The following RORA variants were observed in gnomAD, a reference collection of about 807,000 sequenced individuals.
RORA encodes the protein RAR related orphan receptor A, also known as nuclear receptor ROR-alpha.
Under a neutral mutation model 69.5 loss-of-function variants are expected in RORA, and 7 were observed. That is an observed-to-expected ratio of 0.10 (90% CI 0.06 to 0.19). The LOEUF (loss-of-function observed/expected upper bound fraction) is 0.19. RORA is among the 10% of genes least tolerant of loss of function. The pLI, the probability that RORA is intolerant of heterozygous loss-of-function variation, is 1.00. For missense variants in RORA, 457 were observed against 663.0 expected, an observed-to-expected ratio of 0.69 and a Z score of 3.41; for synonymous variants, 261 against 240.8, an observed-to-expected ratio of 1.08 and a Z score of -0.78.
chr15:61,216,480 A>T (rs1359882952), intron 1 of RORA, among the ~76,000 whole-genome samples: 1 of 119,860 alleles, frequency 8.3e-6, no homozygotes, highest in Non-Finnish European at 1.7e-5. Flanking sequence ...CCTTGCAGAC[A>T]AGCTTCTCCG....
intron 2 of RORA, among the ~76,000 whole-genome samples, chr15:60,560,197 C>A (rs2140418870): frequency 6.6e-6 from 1 of 152,212 alleles, no homozygotes; most frequent in South Asian, 2.1e-4. Context: ...AAAATTCTCA[C>A]ATAGCCACAA....
chr15:60,666,515 A>C (rs2070384564), intron 2 of RORA, among the ~76,000 whole-genome samples: 2 of 151,950 alleles, frequency 1.3e-5, no homozygotes, highest in African/African-American at 4.8e-5. Context: ...AGTAGGACAA[A>C]GCTACATAAA....
chr15:60,518,519 TGCTGTCA>T (rs2066043323), intron 3 of RORA, among the ~76,000 whole-genome samples: 1 of 152,192 alleles, frequency 6.6e-6, no homozygotes, highest in Non-Finnish European at 1.5e-5. Flanking sequence ...GCAAACAACC[TGCTGTCA>T]GCCACCTCTC....
rs2078829681 is a variant in RORA at position 61,098,451 on chromosome 15, C to G, written c.166+130602G>C. 2.6e-5 allele frequency among the ~76,000 whole-genome samples: 4 copies of G among 152,128 alleles called. No individual in the cohort carries two copies. In the South Asian group the frequency reaches 8.3e-4, roughly 32 times the overall value. On this transcript the variant is annotated intron_variant, in intron 1 of 10. Coordinates refer to ENST00000335670, the MANE Select transcript of RORA (RefSeq NM_134261.3). ...CAAAATCCTGAGCTCAAGTGACCTC[C>G]CACTCCTGCCTCCTGAGTAACTAAG...
chr15:60,502,957 C>G (rs906711734), intron 7 of RORA, 90 bp from the exon 8 acceptor site: 2 of 856,334 alleles, frequency 2.3e-6, no homozygotes, highest in African/African-American at 1.7e-5. Context: ...ACTCCTTCTG[C>G]AACAGCATGG....
chr15:60,726,101 C>T (rs543111728), intron 1 of RORA, among the ~76,000 whole-genome samples: 16 of 152,200 alleles, frequency 1.1e-4, no homozygotes, highest in African/African-American at 3.6e-4. Context: ...TCCCCTTCTA[C>T]CCATAATTAA....
intron 1 of RORA, among the ~76,000 whole-genome samples, chr15:60,793,089 C>T (rs796281368): frequency 5.9e-5 from 9 of 151,672 alleles, no homozygotes; most frequent in African/African-American, 2.2e-4. Context: ...AGCTGTGTGA[C>T]CTTGGGCAAA....
chr15:60,897,318 A>C (rs1891256810), intron 1 of RORA, among the ~76,000 whole-genome samples: 1 of 152,242 alleles, frequency 6.6e-6, no homozygotes, highest in African/African-American at 2.4e-5. Flanking sequence ...TATCTCAAAA[A>C]TGACATATAG....
intron 1 of RORA, among the ~76,000 whole-genome samples, chr15:61,060,450 G>A (rs2078167516): frequency 6.6e-6 from 1 of 152,160 alleles, no homozygotes; most frequent in African/African-American, 2.4e-5. Flanking sequence ...ACTTGCCATG[G>A]GTGCCTTTCA....
At chr15:60,982,038 T>C (rs1197035732) in intron 1 of RORA, among the ~76,000 whole-genome samples, 1 of 152,264 alleles carries the variant, frequency 6.6e-6, no homozygotes, top group Non-Finnish European at 1.5e-5. Flanking sequence ...CTACGTCATG[T>C]GTAGCCACTG....
intron 2 of RORA, among the ~76,000 whole-genome samples, chr15:60,589,912 T>C (rs748379339): frequency 2.6e-5 from 4 of 152,208 alleles, no homozygotes; most frequent in Non-Finnish European, 5.9e-5. Flanking sequence ...AATCTAGTTA[T>C]ACAAACTGTC....
At chr15:60,804,337 C>CT (rs5813038) in intron 1 of RORA, among the ~76,000 whole-genome samples, 13,454 of 147,884 alleles carry the variant, frequency 0.091, 1,271 homozygotes, top group African/African-American at 0.24. Flanking sequence ...CATGTTTGCT[C>CT]TGTGTTAGCT....
At chr15:61,065,393 T>C (rs2078243063) in intron 1 of RORA, among the ~76,000 whole-genome samples, 1 of 152,172 alleles carries the variant, frequency 6.6e-6, no homozygotes, top group South Asian at 2.1e-4. Flanking sequence ...CTAACGTAAG[T>C]CAGTCCTTAC....
chr15:60,874,862 T>C (rs1051469921), intron 1 of RORA, among the ~76,000 whole-genome samples: 8 of 152,204 alleles, frequency 5.3e-5, no homozygotes, highest in Non-Finnish European at 8.8e-5. Flanking sequence ...GCAAGTTATT[T>C]AATCTTTCAC....
intron 1 of RORA, among the ~76,000 whole-genome samples, chr15:61,187,506 G>A (rs2079755723): frequency 6.6e-6 from 1 of 152,182 alleles, no homozygotes; most frequent in African/African-American, 2.4e-5. Flanking sequence ...AGGAGGAGGG[G>A]TGGCGGTAGG....
intron 2 of RORA, among the ~76,000 whole-genome samples, chr15:60,570,759 T>TC (rs1270489462): frequency 2.0e-5 from 3 of 152,084 alleles, no homozygotes; most frequent in African/African-American, 7.2e-5. Flanking sequence ...AATTAGAGGG[T>TC]CACAGTACAG....
At chr15:60,990,185 C>G (rs950175028) in intron 1 of RORA, among the ~76,000 whole-genome samples, 1 of 152,094 alleles carries the variant, frequency 6.6e-6, no homozygotes, top group South Asian at 2.1e-4. Context: ...CAATTATGCC[C>G]TAATGCACTG....
At chr15:60,766,766 A>T (rs1176274078) in intron 1 of RORA, among the ~76,000 whole-genome samples, 1 of 151,382 alleles carries the variant, frequency 6.6e-6, no homozygotes, top group South Asian at 2.1e-4. Flanking sequence ...GTGCTATGGC[A>T]TTGGGTCACT....
chr15:60,828,899 T>C (rs2073001427), intron 1 of RORA, among the ~76,000 whole-genome samples: 1 of 152,216 alleles, frequency 6.6e-6, no homozygotes, highest in Admixed American at 6.5e-5. Flanking sequence ...GGGCAACTCA[T>C]TTACTTTCAT....
Sources: gnomAD v4.1 joint callset for allele counts (sites outside exome capture counted in the v4.1 genomes callset) on GRCh38, gnomAD v4.1.1 for gene constraint, MANE v1.5 for transcripts, NCBI Gene and HGNC (gene_info 2026-07-23, HGNC 2026-07-21) for gene names.